The following INTU variants were observed in gnomAD, a reference collection of about 807,000 sequenced individuals.
INTU encodes the protein protein inturned.
Under a neutral mutation model 100.5 loss-of-function variants are expected in INTU, and 68 were observed. The observed-to-expected ratio is 0.68, with a 90% CI of 0.56 to 0.83. The LOEUF is 0.83. Among genes scored for constraint, INTU ranks in the 40% least tolerant of loss-of-function variants. The probability of loss-of-function intolerance (pLI) is 0.00; values close to 1 mark genes in which losing one functional copy is unlikely to be tolerated. For missense variants in INTU, 1,071 were observed against 1,114.7 expected, an observed-to-expected ratio of 0.96 and a Z score of 0.56; for synonymous variants, 357 against 395.7, an observed-to-expected ratio of 0.90 and a Z score of 1.16.
At chr4:127,655,207 CCTT>C (rs1267843157) in intron 2 of INTU, among the ~76,000 whole-genome samples, 1 of 151,846 alleles carries the variant, frequency 6.6e-6, no homozygotes, top group African/African-American at 2.4e-5. Flanking sequence ...TCGTCTGAAG[CCTT>C]CTTCTCTCAG....
chr4:127,639,508 T>TTTG (rs546054513), intron 1 of INTU, among the ~76,000 whole-genome samples: 13 of 152,106 alleles, frequency 8.5e-5, no homozygotes, highest in East Asian at 1.9e-4. Context: ...TTGTGGGTTT[T>TTTG]TTGTTGTTGT....
chr4:127,656,043 C>T (rs1036937629), intron 2 of INTU, among the ~76,000 whole-genome samples: 5 of 152,336 alleles, frequency 3.3e-5, no homozygotes, highest in African/African-American at 1.2e-4. Context: ...TGACCCCTTG[C>T]GCTTCCCAAG....
At chr4:127,647,952 C>CAT (rs56876212) in intron 2 of INTU, among the ~76,000 whole-genome samples, 90,367 of 151,748 alleles carry the variant, frequency 0.6, 27,917 homozygotes, top group African/African-American at 0.76. Context: ...CTTTAGTACA[C>CAT]ATGTTGTTTG....
chr4:127,691,370 T>C (rs1242591871), intron 8 of INTU, among the ~76,000 whole-genome samples: 3 of 152,174 alleles, frequency 2.0e-5, no homozygotes, highest in Non-Finnish European at 4.4e-5. Flanking sequence ...GTATTTTGTA[T>C]TCCTACCAGC....
chr4:127,691,980 A>ATATATATATATGTGTG (rs971919620), intron 8 of INTU, among the ~76,000 whole-genome samples: 1 of 143,360 alleles, frequency 7.0e-6, no homozygotes, highest in African/African-American at 2.6e-5. Context: ...ATATATATAT[A>ATATATATATATGTGTG]TGTCACATTT....
At chr4:127,671,623 A>C (rs545935677) in intron 5 of INTU, among the ~76,000 whole-genome samples, 4 of 152,248 alleles carry the variant, frequency 2.6e-5, no homozygotes, top group Admixed American at 2.6e-4. Context: ...TATATAACCA[A>C]AGGAAAAGAA....
chr4:127,660,287 A>C (rs560597245), intron 3 of INTU, among the ~76,000 whole-genome samples: 25 of 152,310 alleles, frequency 1.6e-4, no homozygotes, highest in Non-Finnish European at 3.1e-4. Context: ...TGAGTCACTC[A>C]GTGAGGTGGC....
chr4:127,723,090 C>T lies in INTU; in HGVS notation c.*6654C>T, dbSNP rs1731370127. ...GCTCAGGAGGGAACCTCCTGATCTA[C>T]AAGTTGCAAGGATCTGTGGGAAAAG... On this transcript the variant is annotated 3_prime_UTR_variant, in exon 16 of 16. Coordinates refer to ENST00000335251, the MANE Select transcript of INTU (RefSeq NM_015693.4). The T allele has an allele frequency of 2.6e-5, 4 of 152,178 alleles. No individual in the cohort carries two copies. Among genetic ancestry groups the T allele is most frequent in the Admixed American group, 2.6e-4 (4 of 15,282 alleles). The allele number at this position is 152,178 out of a possible 1,614,324, so 9.4% of individuals were successfully genotyped here.
chr4:127,656,728 A>G lies in INTU; in HGVS notation c.768+7A>G. On this transcript the variant is annotated splice_region_variant and intron_variant, in intron 3 of 15. Coordinates refer to ENST00000335251, the MANE Select transcript of INTU (RefSeq NM_015693.4). ...CATTCCTGGACCTATGCAGGTATGG[A>G]CATTCTTTTTCTATATTTTATGATG... 3 of 1,547,526 alleles carry G rather than the reference A, an allele frequency of 1.9e-6. No individual in the cohort carries two copies. The highest frequency in any genetic ancestry group is 2.7e-6 in the Non-Finnish European group (3 of 1,127,140).
At chr4:127,681,787 A>G (rs1483117843) in intron 6 of INTU, among the ~76,000 whole-genome samples, 1 of 152,222 alleles carries the variant, frequency 6.6e-6, no homozygotes, top group Non-Finnish European at 1.5e-5. Flanking sequence ...TCTACACAGC[A>G]AAAGAAACTA....
In INTU at chr4:127,716,730, G is replaced by A. The variant is rs114847993; in HGVS notation, c.*294G>A. ...TGACTAGTTTGAAATAATGTGAAGT[G>A]TTTTTTATATCAGATTAATATAGGA... On this transcript the variant is annotated 3_prime_UTR_variant, in exon 16 of 16. Transcript: ENST00000335251. 4.5e-3 allele frequency: 817 copies of A among 180,974 alleles called. 9 individuals are homozygous for A. The highest frequency in any genetic ancestry group is 0.018 in the African/African-American group (786 of 42,780). 11.2% of individuals were successfully genotyped at this position (180,974 alleles called of 1,614,324 possible).
intron 2 of INTU, among the ~76,000 whole-genome samples, chr4:127,648,236 A>G (rs756101962): frequency 1.3e-5 from 2 of 152,114 alleles, no homozygotes; most frequent in African/African-American, 2.4e-5. Context: ...TGGGTTTAGG[A>G]TGTCCACTGC....
At position 127,720,629 on chromosome 4, in the gene INTU, T is replaced by G. The variant is rs1731333746; in HGVS notation, c.*4193T>G. The G allele has an allele frequency of 6.6e-6, 1 of 152,220 alleles. No individual in the cohort carries two copies. The highest frequency in any genetic ancestry group is 2.4e-5 in the African/African-American group (1 of 41,448). The allele number at this position is 152,220 out of a possible 1,614,324, so 9.4% of individuals were successfully genotyped here. On this transcript the variant is annotated 3_prime_UTR_variant, in exon 16 of 16. Coordinates refer to ENST00000335251, the MANE Select transcript of INTU (RefSeq NM_015693.4). ...GGAAATCTAAGTCTCTTTTTGGGTC[T>G]CTAAGAACTTGTTTTATGAATCTGA...
At chr4:127,668,859 A>G (rs1249617989) in intron 4 of INTU, among the ~76,000 whole-genome samples, 177 bp from the exon 5 acceptor site, 1 of 151,886 alleles carries the variant, frequency 6.6e-6, no homozygotes, top group Non-Finnish European at 1.5e-5. Context: ...AGTCTTTTAC[A>G]TGCTAGTTAA....
At position 127,711,063 on chromosome 4, in the gene INTU, T is replaced by G. The variant is rs1473775603; in HGVS notation, c.2520T>G (p.Leu840=). Residue 840 remains leucine (L), a synonymous_variant, in exon 14 of 16, where the codon CTT becomes CTG. Coordinates refer to ENST00000335251, the MANE Select transcript of INTU (RefSeq NM_015693.4). ...QLIKNFHQCC[L]SIRAVFQQTL... is the part of the protein sequence containing the mutation. ...TAAAGAATTTCCATCAGTGTTGTCT[T>G]TCCATTCGTGCAGTTTTCCAACAGA... is the stretch of plus-strand genomic sequence containing the variant. 2 of 1,604,630 alleles carry G rather than the reference T, an allele frequency of 1.2e-6. No individual in the cohort carries two copies. Among genetic ancestry groups the G allele is most frequent in the South Asian group, 2.2e-5 (2 of 89,670 alleles).
intron 6 of INTU, among the ~76,000 whole-genome samples, chr4:127,682,906 A>G (rs1490721251): frequency 6.6e-6 from 1 of 152,188 alleles, no homozygotes; most frequent in East Asian, 1.9e-4. Context: ...AAAAGAGAAG[A>G]AAGAGAATAC....
At position 127,726,537 on chromosome 4, in the gene INTU, C is replaced by G. The variant is rs141196866; in HGVS notation, c.*10101C>G. ...ATGTAGGGGAAAAGCTGAGAAAAAT[C>G]ATTTATCAATAAACAGTTTTCAGAA... On this transcript the variant is annotated 3_prime_UTR_variant, in exon 16 of 16. Coordinates refer to ENST00000335251, the MANE Select transcript of INTU (RefSeq NM_015693.4). The G allele has an allele frequency of 1.7e-4, 26 of 152,256 alleles. No individual in the cohort carries two copies. The highest frequency in any genetic ancestry group is 6.3e-4 in the African/African-American group (26 of 41,548). The allele number at this position is 152,256 out of a possible 1,614,324, so 9.4% of individuals were successfully genotyped here. A position where few individuals can be genotyped will look rare whatever the true frequency, so the allele number is the denominator to read the frequency against.
chr4:127,690,477 T>G lies in INTU; in HGVS notation c.1449+2610T>G, dbSNP rs146004373. 8.5e-3 allele frequency among the ~76,000 whole-genome samples: 1,294 copies of G among 152,262 alleles called. 13 individuals are homozygous for G. The highest frequency in any genetic ancestry group is 9.5e-3 in the Non-Finnish European group (644 of 68,006). ...CAGAATCCAGAAAAACCTCTAGATG[T>G]TCACAGTCAGGTTGAGCAGGTGAAA... On this transcript the variant is annotated intron_variant, in intron 8 of 15. Transcript: ENST00000335251.
chr4:127,663,793 AAAC>A (rs1293660885), intron 4 of INTU, among the ~76,000 whole-genome samples: 2 of 152,176 alleles, frequency 1.3e-5, no homozygotes, highest in Non-Finnish European at 2.9e-5. Context: ...TTTAAAATGA[AAAC>A]AAATTATTCA....
Sources: allele counts gnomAD v4.1 joint callset (sites outside exome capture counted in the v4.1 genomes callset), GRCh38; gene constraint gnomAD v4.1.1; transcripts MANE v1.5; gene names NCBI Gene and HGNC (gene_info 2026-07-23, HGNC 2026-07-21).